The following ADAMTSL1 variants were observed in gnomAD, a reference collection of about 807,000 sequenced individuals.
ADAMTSL1 encodes the protein ADAMTS like 1, also known as ADAMTS-like protein 1.
In ADAMTSL1, 126 loss-of-function variants were observed where a neutral mutation model predicts 201.8. The ratio of observed to expected loss-of-function variants is 0.62; its 90% CI spans 0.54 to 0.72. The LOEUF is 0.72. Among genes scored for constraint, ADAMTSL1 ranks in the 30% least tolerant of loss-of-function variants. The probability of loss-of-function intolerance (pLI) is 0.00; values close to 1 mark genes in which losing one functional copy is unlikely to be tolerated. For synonymous variants in ADAMTSL1, 1,121 were observed against 903.4 expected, an observed-to-expected ratio of 1.24 and a Z score of -4.32; for missense variants, 2,679 against 2,277.8, an observed-to-expected ratio of 1.18 and a Z score of -3.59.
chr9:18,778,428 TG>T (rs1444273779), intron 19 of ADAMTSL1, among the ~76,000 whole-genome samples: 1 of 152,240 alleles, frequency 6.6e-6, no homozygotes, highest in Non-Finnish European at 1.5e-5. Flanking sequence ...TTATTCCCAG[TG>T]GGACCTGTGA....
intron 1 of ADAMTSL1, among the ~76,000 whole-genome samples, chr9:17,986,827 G>A (rs1370894344): frequency 6.6e-6 from 1 of 152,062 alleles, no homozygotes; most frequent in Admixed American, 6.6e-5. Flanking sequence ...TTGACTAGGT[G>A]CAAACATTAC....
At position 18,079,703 on chromosome 9, in the gene ADAMTSL1, A is replaced by G. The variant is rs564029593; in HGVS notation, c.88-84159A>G. ...TCTCAAAATAAATAAATAAATAAATAAATAAATAAATAAATAAATAAATAA... is the reference window on the plus strand; with the variant it reads ...TCTCAAAATAAATAAATAAATAAATGAATAAATAAATAAATAAATAAATAA... On this transcript the variant is annotated intron_variant, in intron 1 of 29. Coordinates refer to the ADAMTSL1 transcript ENST00000680146. Among the ~76,000 whole-genome samples the G allele has an allele frequency of 2.7e-5, 4 of 149,786 alleles. No homozygotes were observed. In the East Asian group the frequency reaches 7.7e-4, roughly 29 times the overall value.
chr9:18,481,480 T>C (rs1821726550), intron 1 of ADAMTSL1, among the ~76,000 whole-genome samples: 1 of 152,184 alleles, frequency 6.6e-6, no homozygotes, highest in Non-Finnish European at 1.5e-5. Context: ...TGGAAGTGTG[T>C]TGGACATTTT....
At chr9:18,878,767 C>G (rs567117379) in intron 23 of ADAMTSL1, among the ~76,000 whole-genome samples, 84 of 152,318 alleles carry the variant, frequency 5.5e-4, no homozygotes, top group African/African-American at 2.0e-3. Context: ...ACATGCTGCT[C>G]TGTACATCTG....
At chr9:18,122,649 C>A (rs778571470) in intron 1 of ADAMTSL1, among the ~76,000 whole-genome samples, 33 of 151,994 alleles carry the variant, frequency 2.2e-4, no homozygotes, top group Admixed American at 6.6e-5. Flanking sequence ...TGGTTCAGTC[C>A]AAAATAAAGG....
chr9:18,607,053 G>A (rs1564085220), intron 4 of ADAMTSL1, among the ~76,000 whole-genome samples: 1 of 152,158 alleles, frequency 6.6e-6, no homozygotes, highest in Non-Finnish European at 1.5e-5. Context: ...AGCAATCCAT[G>A]TAAGCCTTGC....
intron 2 of ADAMTSL1, among the ~76,000 whole-genome samples, chr9:18,373,550 CTCCTCTCCCATTG>C (rs1837147380): frequency 6.6e-6 from 1 of 152,008 alleles, no homozygotes; most frequent in Non-Finnish European, 1.5e-5. Flanking sequence ...CAAACTGATT[CTCCTCTCCCATTG>C]TCCTCTGGGG....
chr9:18,540,657 G>C (rs1428743883), intron 3 of ADAMTSL1, among the ~76,000 whole-genome samples: 1 of 152,142 alleles, frequency 6.6e-6, no homozygotes, highest in Non-Finnish European at 1.5e-5. Flanking sequence ...CACTCAGAGT[G>C]ATGAGCTTTG....
intron 2 of ADAMTSL1, among the ~76,000 whole-genome samples, chr9:18,387,650 T>C (rs1407717187): frequency 7.0e-6 from 1 of 141,878 alleles, no homozygotes; most frequent in Non-Finnish European, 1.5e-5. Flanking sequence ...TTTCATTTGT[T>C]TTTTTAATTG....
intron 2 of ADAMTSL1, among the ~76,000 whole-genome samples, chr9:18,349,316 C>G (rs1835859278): frequency 6.6e-6 from 1 of 152,160 alleles, no homozygotes; most frequent in Non-Finnish European, 1.5e-5. Flanking sequence ...TTGGTCATCA[C>G]AACTTTATGG....
rs1491151695 is a variant in ADAMTSL1, at chr9:18,794,638, T to TG, written c.3678-758dup. ...GTTGTTTTTTGTTGTTTTTTTTTGT[T>TG]GTTGTTGTTTTTTGAGACAGAGTCA... On this transcript the variant is annotated intron_variant, in intron 19 of 28. Transcript: ENST00000380548. Among the ~76,000 whole-genome samples, 6 of 144,032 alleles carry TG rather than the reference T, an allele frequency of 4.2e-5. No individual in the cohort carries two copies. In the South Asian group the frequency reaches 8.8e-4, roughly 21 times the overall value. 94.5% of individuals were successfully genotyped at this position (144,032 alleles called of 152,430 possible).
chr9:18,760,737 CA>C (rs1198389877), intron 16 of ADAMTSL1, among the ~76,000 whole-genome samples: 1 of 152,110 alleles, frequency 6.6e-6, no homozygotes, highest in African/African-American at 2.4e-5. Flanking sequence ...TTCATGGACC[CA>C]AATGGTGCAC....
At chr9:17,977,430 T>C (rs1179501664) in intron 1 of ADAMTSL1, among the ~76,000 whole-genome samples, 1 of 152,108 alleles carries the variant, frequency 6.6e-6, no homozygotes, top group African/African-American at 2.4e-5. Flanking sequence ...TTCCTGGACT[T>C]TTTTCTTTGA....
intron 2 of ADAMTSL1, among the ~76,000 whole-genome samples, chr9:18,283,735 A>C (rs911839701): frequency 1.3e-4 from 19 of 149,920 alleles, no homozygotes; most frequent in Admixed American, 5.3e-4. Context: ...ACACAGTGAA[A>C]CCACATCTCT....
chr9:18,249,528 A>C (rs999339622), intron 2 of ADAMTSL1, among the ~76,000 whole-genome samples: 3 of 152,166 alleles, frequency 2.0e-5, no homozygotes, highest in African/African-American at 7.2e-5. Flanking sequence ...ACTATTTACC[A>C]TATTTGCGTT....
At chr9:18,858,856 C>T (rs1024825635) in intron 23 of ADAMTSL1, among the ~76,000 whole-genome samples, 7 of 152,188 alleles carry the variant, frequency 4.6e-5, no homozygotes, top group African/African-American at 1.7e-4. Flanking sequence ...TTTGGGAACT[C>T]CATAAGCCCT....
chr9:18,729,414 G>A (rs530957239), intron 15 of ADAMTSL1, among the ~76,000 whole-genome samples: 4 of 152,268 alleles, frequency 2.6e-5, no homozygotes, highest in East Asian at 3.9e-4. Flanking sequence ...AAAGAGCCAC[G>A]AGAAGTCTGC....
chr9:18,347,101 G>T (rs1383428406), intron 2 of ADAMTSL1, among the ~76,000 whole-genome samples: 1 of 152,140 alleles, frequency 6.6e-6, no homozygotes, highest in Middle Eastern at 3.2e-3. Flanking sequence ...TTGTTTGAAA[G>T]AGAAATGTGC....
At chr9:18,381,640 T>C (rs1436335812) in intron 2 of ADAMTSL1, among the ~76,000 whole-genome samples, 2 of 152,082 alleles carry the variant, frequency 1.3e-5, no homozygotes, top group South Asian at 2.1e-4. Context: ...AGGAGACGGT[T>C]CCTTTAATGA....
Sources: allele counts gnomAD v4.1 joint callset (sites outside exome capture counted in the v4.1 genomes callset), GRCh38; gene constraint gnomAD v4.1.1; transcripts MANE v1.5; gene names NCBI Gene and HGNC (gene_info 2026-07-23, HGNC 2026-07-21).